Variants in CSMD1 observed in about 807,000 individuals in gnomAD.
CSMD1 encodes the protein CUB and sushi domain-containing protein 1.
Under a neutral mutation model 417.5 loss-of-function variants are expected in CSMD1, and 213 were observed. That is an observed-to-expected ratio of 0.51 (90% confidence interval 0.46 to 0.57). The LOEUF is 0.57. CSMD1 is among the 20% of genes least tolerant of loss of function. The pLI, the probability that CSMD1 is intolerant of heterozygous loss-of-function variation, is 0.00. For synonymous variants in CSMD1, 2,862 were observed against 1,736.8 expected (o/e 1.65, Z -16.11); for missense variants, 6,923 against 4,529.7 (o/e 1.53, Z -15.17).
intron 3 of CSMD1, among the ~76,000 whole-genome samples, chr8:4,303,861 T>A (rs756654602): frequency 6.6e-6 from 1 of 152,064 alleles, no homozygotes; most frequent in Admixed American, 6.6e-5. Context: ...TTCACTATGT[T>A]GCCCAGGCTG....
intron 1 of CSMD1, among the ~76,000 whole-genome samples, chr8:4,895,835 T>G (rs902919082): frequency 2.0e-5 from 3 of 152,162 alleles, no homozygotes; most frequent in Non-Finnish European, 4.4e-5. Flanking sequence ...TATTGAGAAC[T>G]TTACCACGAT....
chr8:3,336,174 T>C (rs557210603), intron 23 of CSMD1, among the ~76,000 whole-genome samples: 1 of 152,174 alleles, frequency 6.6e-6, no homozygotes, highest in South Asian at 2.1e-4. Context: ...AAATAGTAAC[T>C]GTGGGGTTTT....
chr8:4,691,705 C>T (rs1210396811), intron 1 of CSMD1, among the ~76,000 whole-genome samples: 2 of 152,188 alleles, frequency 1.3e-5, no homozygotes, highest in African/African-American at 4.8e-5. Context: ...TTATTTTCAA[C>T]CCAATTTCCT....
chr8:3,632,643 T>TA (rs1015123253), intron 7 of CSMD1, among the ~76,000 whole-genome samples: 2 of 152,178 alleles, frequency 1.3e-5, no homozygotes, highest in African/African-American at 4.8e-5. Context: ...CCTTTACATT[T>TA]AAAAAATAAT....
chr8:4,471,501 G>A (rs1465679032), intron 2 of CSMD1, among the ~76,000 whole-genome samples: 2 of 152,112 alleles, frequency 1.3e-5, no homozygotes, highest in African/African-American at 2.4e-5. Flanking sequence ...ATGGCTCAGT[G>A]TCTGGGTGGT....
At chr8:3,924,964 T>C (rs1313829726) in intron 5 of CSMD1, among the ~76,000 whole-genome samples, 1 of 152,216 alleles carries the variant, frequency 6.6e-6, no homozygotes, top group Non-Finnish European at 1.5e-5. Flanking sequence ...ATTGCTTTCT[T>C]AGCATTTGAA....
intron 1 of CSMD1, among the ~76,000 whole-genome samples, chr8:4,948,364 GAAT>G (rs1323282703): frequency 6.6e-6 from 1 of 151,576 alleles, no homozygotes; most frequent in Non-Finnish European, 1.5e-5. Flanking sequence ...TTTTTTCTTA[GAAT>G]AATTGTTTAT....
Position 4,946,249 on chromosome 8 carries a change from T to C in CSMD1, c.85+48083A>G, listed in dbSNP as rs114084402. ...CCTGTCTTGTTACGTTCTCAGAGAC[T>C]GATGCTTTTGGTCTTGTGAGATGAA... On this transcript the variant is annotated intron_variant, in intron 1 of 69. Transcript: ENST00000635120. Among the ~76,000 whole-genome samples the C allele has an allele frequency of 6.3e-3, 967 of 152,340 alleles. 8 individuals are homozygous for C. Among genetic ancestry groups the C allele is most frequent in the African/African-American group, 0.022 (929 of 41,576 alleles).
At chr8:3,489,936 G>A (rs1172569753) in intron 11 of CSMD1, among the ~76,000 whole-genome samples, 1 of 152,168 alleles carries the variant, frequency 6.6e-6, no homozygotes, top group Non-Finnish European at 1.5e-5. Flanking sequence ...TGTGTCATGT[G>A]ATCCTCTGAC....
chr8:3,264,856 G>C (rs1295337524), intron 26 of CSMD1, among the ~76,000 whole-genome samples: 5 of 132,522 alleles, frequency 3.8e-5, no homozygotes, highest in Non-Finnish European at 8.3e-5. Flanking sequence ...TGGGTGGGCT[G>C]TGTGTGGGTG....
chr8:4,129,882 T>G (rs1802991106), intron 3 of CSMD1, among the ~76,000 whole-genome samples: 1 of 152,204 alleles, frequency 6.6e-6, no homozygotes, highest in Non-Finnish European at 1.5e-5. Flanking sequence ...GTTCTTGTTT[T>G]GTGAATATAA....
intron 12 of CSMD1, among the ~76,000 whole-genome samples, chr8:3,455,381 A>C (rs1816045764): frequency 6.6e-6 from 1 of 152,080 alleles, no homozygotes; most frequent in African/African-American, 2.4e-5. Context: ...GGAGGAGGAG[A>C]GGCACTCTGA....
At chr8:3,571,078 C>G (rs987389149) in intron 10 of CSMD1, among the ~76,000 whole-genome samples, 3 of 152,200 alleles carry the variant, frequency 2.0e-5, no homozygotes, top group African/African-American at 7.2e-5. Flanking sequence ...ACACTTCAGT[C>G]TTTTAAAACT....
At chr8:3,904,699 C>A (rs967300862) in intron 5 of CSMD1, among the ~76,000 whole-genome samples, 1 of 144,642 alleles carries the variant, frequency 6.9e-6, no homozygotes, top group South Asian at 2.2e-4. Flanking sequence ...TGCAGTGGTG[C>A]TATCTCAGCT....
intron 3 of CSMD1, among the ~76,000 whole-genome samples, chr8:4,403,024 G>C (rs1033302814): frequency 5.3e-5 from 8 of 151,336 alleles, no homozygotes; most frequent in African/African-American, 1.9e-4. Context: ...GTGGAGACGG[G>C]GTTTCACCAC....
intron 6 of CSMD1, among the ~76,000 whole-genome samples, chr8:3,721,551 T>G (rs930128159): frequency 1.2e-4 from 19 of 152,216 alleles, no homozygotes; most frequent in African/African-American, 4.6e-4. Context: ...CTTAGGATTT[T>G]TAAATTATTA....
intron 3 of CSMD1, among the ~76,000 whole-genome samples, chr8:4,056,899 A>G (rs1006769417): frequency 6.6e-6 from 1 of 152,138 alleles, no homozygotes; most frequent in Non-Finnish European, 1.5e-5. Flanking sequence ...TATTCCATAG[A>G]GTATATGTGC....
intron 24 of CSMD1, among the ~76,000 whole-genome samples, chr8:3,308,063 CTAATAATA>C (rs1805023071): frequency 2.0e-5 from 1 of 51,216 alleles, no homozygotes; most frequent in Non-Finnish European, 5.7e-5. Flanking sequence ...TGTGATAATT[CTAATAATA>C]TGTGATAATT....
intron 3 of CSMD1, among the ~76,000 whole-genome samples, chr8:4,286,948 T>A (rs897971279): frequency 3.3e-5 from 5 of 152,136 alleles, no homozygotes; most frequent in African/African-American, 9.7e-5. Flanking sequence ...TCAATAACAA[T>A]TCCATAGAGG....
Sources: gnomAD v4.1 joint callset for allele counts (sites outside exome capture counted in the v4.1 genomes callset) on GRCh38, gnomAD v4.1.1 for gene constraint, MANE v1.5 for transcripts, NCBI Gene and HGNC (gene_info 2026-07-23, HGNC 2026-07-21) for gene names.